The following EPHB1 variants were observed in gnomAD, a reference collection of about 807,000 sequenced individuals.
EPHB1 encodes ephrin type-B receptor 1.
EPHB1 carries 30 observed loss-of-function variants against 94.4 expected under a neutral mutation model. The observed-to-expected ratio is 0.32, with a 90% confidence interval of 0.24 to 0.43. EPHB1 has a LOEUF of 0.43. EPHB1 is among the 20% of genes least tolerant of loss of function. The pLI is 1.00. For missense variants in EPHB1, 1,055 were observed against 1,308.3 expected (o/e 0.81, Z 2.99); for synonymous variants, 522 against 489.1 (o/e 1.07, Z -0.89).
chr3:134,927,105 C>G (rs2038809676), intron 2 of EPHB1, among the ~76,000 whole-genome samples: 1 of 152,188 alleles, frequency 6.6e-6, no homozygotes, highest in Non-Finnish European at 1.5e-5. Flanking sequence ...CCTGGGCCTC[C>G]TCCTCTGTCC....
intron 1 of EPHB1, among the ~76,000 whole-genome samples, chr3:134,808,542 C>T (rs2036111996): frequency 6.6e-6 from 1 of 152,078 alleles, no homozygotes; most frequent in African/African-American, 2.4e-5. Flanking sequence ...ATCAATCTTC[C>T]TGGGACAGCT....
At chr3:135,033,451 C>T (rs926583397) in intron 3 of EPHB1, among the ~76,000 whole-genome samples, 3 of 152,190 alleles carry the variant, frequency 2.0e-5, no homozygotes, top group Non-Finnish European at 2.9e-5. Flanking sequence ...TGTATTCACT[C>T]ATTCTCAAAC....
chr3:134,927,254 A>G (rs2038813295), intron 2 of EPHB1, among the ~76,000 whole-genome samples: 2 of 152,218 alleles, frequency 1.3e-5, no homozygotes, highest in African/African-American at 2.4e-5. Flanking sequence ...GCAGACAGTT[A>G]TCTCACCTGT....
intron 9 of EPHB1, among the ~76,000 whole-genome samples, chr3:135,176,537 C>T (rs1187685343): frequency 6.6e-6 from 1 of 152,214 alleles, no homozygotes; most frequent in Non-Finnish European, 1.5e-5. Context: ...TGCACACACA[C>T]ACACATACTT....
intron 12 of EPHB1, among the ~76,000 whole-genome samples, chr3:135,228,738 G>A (rs1285113307): frequency 6.9e-6 from 1 of 144,404 alleles, no homozygotes; most frequent in African/African-American, 2.5e-5. Context: ...TCTGAGGGGT[G>A]ACAGCGTGGG....
At chr3:134,819,602 G>A (rs936196413) in intron 1 of EPHB1, among the ~76,000 whole-genome samples, 1 of 152,192 alleles carries the variant, frequency 6.6e-6, no homozygotes, top group Non-Finnish European at 1.5e-5. Context: ...TCCCTTCTCT[G>A]TGCCTCTTCT....
chr3:135,116,322 C>T (rs1939707473), intron 4 of EPHB1, among the ~76,000 whole-genome samples: 1 of 152,218 alleles, frequency 6.6e-6, no homozygotes, highest in South Asian at 2.1e-4. Context: ...CCCCATCACT[C>T]CCCTGTCTCT....
At chr3:135,196,507 A>G (rs1332722764) in intron 11 of EPHB1, among the ~76,000 whole-genome samples, 2 of 152,172 alleles carry the variant, frequency 1.3e-5, no homozygotes, top group Non-Finnish European at 1.5e-5. Flanking sequence ...CACTGCATGG[A>G]GGCAGGTAAT....
At chr3:135,138,674 A>C (rs994528911) in intron 5 of EPHB1, among the ~76,000 whole-genome samples, 1 of 152,224 alleles carries the variant, frequency 6.6e-6, no homozygotes, top group African/African-American at 2.4e-5. Flanking sequence ...GAGAACTTTA[A>C]AGACTAGAAG....
rs577790144 is a variant in EPHB1 at position 135,167,405 on chromosome 3, A to G, written c.1759+399A>G. On this transcript the variant is annotated intron_variant, in intron 9 of 15. Transcript: ENST00000398015. ...GCTGGGGAATTTGTTAACCAAATTC[A>G]CAGATAAGCCATAGAACATGAAGGT... is the stretch of plus-strand genomic sequence containing the variant. Among the ~76,000 whole-genome samples the G allele has an allele frequency of 1.2e-4, 18 of 152,360 alleles. No homozygotes were observed. In the South Asian group the frequency reaches 3.7e-3, roughly 32 times the overall value.
chr3:135,079,113 G>T (rs551858618), intron 3 of EPHB1, among the ~76,000 whole-genome samples: 1 of 150,296 alleles, frequency 6.7e-6, no homozygotes, highest in Admixed American at 6.6e-5. Flanking sequence ...AAACAAACAA[G>T]CAAAAACCCC....
intron 1 of EPHB1, among the ~76,000 whole-genome samples, chr3:134,798,615 T>C (rs1270309815): frequency 1.3e-5 from 2 of 152,142 alleles, no homozygotes; most frequent in Non-Finnish European, 2.9e-5. Context: ...AATGCTGACA[T>C]CCTCCTGCCT....
chr3:134,874,413 C>T (rs979055366), intron 1 of EPHB1, among the ~76,000 whole-genome samples: 1 of 152,096 alleles, frequency 6.6e-6, no homozygotes, highest in Non-Finnish European at 1.5e-5. Context: ...TCAATAGGTG[C>T]AGCAAACCAC....
chr3:135,029,500 T>C (rs1936332974), intron 3 of EPHB1, among the ~76,000 whole-genome samples: 1 of 148,034 alleles, frequency 6.8e-6, no homozygotes, highest in Admixed American at 6.8e-5. Flanking sequence ...TTTGGCTGGA[T>C]ATGAAATTCT....
chr3:135,181,018 T>G (rs1436189514), intron 10 of EPHB1, among the ~76,000 whole-genome samples: 1 of 152,200 alleles, frequency 6.6e-6, no homozygotes, highest in African/African-American at 2.4e-5. Flanking sequence ...CTCAATAAAA[T>G]ATGTTTAGTC....
intron 1 of EPHB1, among the ~76,000 whole-genome samples, chr3:134,809,776 C>T (rs920988362): frequency 1.3e-5 from 2 of 152,202 alleles, no homozygotes; most frequent in African/African-American, 2.4e-5. Flanking sequence ...GAGCAACCCT[C>T]GCACTGAAAT....
At chr3:135,026,567 A>G (rs1187433081) in intron 3 of EPHB1, among the ~76,000 whole-genome samples, 3 of 141,256 alleles carry the variant, frequency 2.1e-5, no homozygotes, top group Non-Finnish European at 4.6e-5. Context: ...TGTTCCATTG[A>G]TCTATATCTC....
chr3:135,184,028 G>C (rs1942263710), intron 10 of EPHB1, among the ~76,000 whole-genome samples: 1 of 152,182 alleles, frequency 6.6e-6, no homozygotes, highest in African/African-American at 2.4e-5. Flanking sequence ...GTTTTGTTTA[G>C]ATGTTACAGA....
intron 3 of EPHB1, among the ~76,000 whole-genome samples, chr3:135,074,525 C>CT (rs2107783563): frequency 6.6e-6 from 1 of 152,310 alleles, no homozygotes; most frequent in Admixed American, 6.5e-5. Context: ...ATAAGCCTTG[C>CT]TTTTATGGAT....
Sources: gnomAD v4.1 joint callset for allele counts (sites outside exome capture counted in the v4.1 genomes callset) on GRCh38, gnomAD v4.1.1 for gene constraint, MANE v1.5 for transcripts, NCBI Gene and HGNC (gene_info 2026-07-23, HGNC 2026-07-21) for gene names.